Variants in NAALADL2 observed in about 807,000 individuals in gnomAD.
NAALADL2 encodes inactive N-acetylated-alpha-linked acidic dipeptidase-like protein 2.
Under a neutral mutation model 87.2 loss-of-function variants are expected in NAALADL2, and 76 were observed. The ratio of observed to expected loss-of-function variants is 0.87; its 90% CI spans 0.72 to 1.05. The LOEUF is 1.05. NAALADL2 is among the 50% of genes least tolerant of loss of function. The probability of loss-of-function intolerance (pLI) is 0.00; values close to 1 mark genes in which losing one functional copy is unlikely to be tolerated. For missense variants in NAALADL2, 1,089 were observed against 945.8 expected (o/e 1.15, Z -1.99); for synonymous variants, 354 against 331.0 (o/e 1.07, Z -0.75).
chr3:175,545,207 C>A (rs1713091602), intron 9 of NAALADL2, among the ~76,000 whole-genome samples: 1 of 152,052 alleles, frequency 6.6e-6, no homozygotes, highest in African/African-American at 2.4e-5. Context: ...TAGTAAATAT[C>A]CAGAATTAAA....
intron 5 of NAALADL2, among the ~76,000 whole-genome samples, chr3:175,351,837 T>C (rs1763809773): frequency 6.6e-6 from 1 of 152,070 alleles, no homozygotes; most frequent in Non-Finnish European, 1.5e-5. Context: ...AAGTTCCTAG[T>C]CATCCATTTG....
At position 174,687,277 on chromosome 3, in the gene NAALADL2, ATCT is replaced by A. The variant is rs1208122994; in HGVS notation, c.-114-50358_-114-50356del. The stretch of plus-strand genomic sequence containing the variant: ...TCCCATATTTATGGATTGTGTTCTT[ATCT>A]TCTTCAGGTATCTATGCTTCCCTTA... On this transcript the variant is annotated intron_variant, in intron 2 of 3. Transcript: ENST00000434257. 6.6e-5 allele frequency among the ~76,000 whole-genome samples: 10 copies of A among 152,170 alleles called. No individual in the cohort carries two copies. The East Asian group carries it at 1.9e-3, about 29-fold the overall frequency.
intron 3 of NAALADL2, among the ~76,000 whole-genome samples, chr3:174,762,003 G>C (rs1713039084): frequency 6.6e-6 from 1 of 151,932 alleles, no homozygotes; most frequent in African/African-American, 2.4e-5. Context: ...ATATTTTAGA[G>C]TTATACATCT....
intron 2 of NAALADL2, among the ~76,000 whole-genome samples, chr3:174,604,139 A>G (rs531632): frequency 0.19 from 28,261 of 152,090 alleles, 3,276 homozygotes; most frequent in African/African-American, 0.33. Context: ...TATCTGGAAG[A>G]TCAGTGCTGA....
chr3:175,313,214 T>C (rs1286437688), intron 4 of NAALADL2, among the ~76,000 whole-genome samples: 3 of 152,150 alleles, frequency 2.0e-5, no homozygotes, highest in Admixed American at 2.0e-4. Flanking sequence ...TAATTACTTC[T>C]TTAAAGGTCC....
Position 175,632,310 on chromosome 3 carries a change from C to CAA in NAALADL2, c.1896+4924_1896+4925insAA, listed in dbSNP as rs71164648. Among the ~76,000 whole-genome samples the CAA allele has an allele frequency of 3.0e-3, 436 of 145,476 alleles. 1 individual carries two copies. The highest frequency in any genetic ancestry group is 4.8e-3 in the Admixed American group (69 of 14,518). On this transcript the variant is annotated intron_variant, in intron 11 of 13. Transcript: ENST00000454872. ...TCTCTCTCTCTCTCTCTCTCTCTCTCCTACTCCCTAATGGTAAGATACACT... is the reference window on the plus strand; with the variant it reads ...TCTCTCTCTCTCTCTCTCTCTCTCTCAACTACTCCCTAATGGTAAGATACACT...
intron 2 of NAALADL2, among the ~76,000 whole-genome samples, chr3:175,214,410 G>A (rs970096949): frequency 1.6e-4 from 25 of 152,084 alleles, no homozygotes; most frequent in African/African-American, 5.1e-4. Context: ...GATGGATTCC[G>A]TCATGACAGT....
intron 2 of NAALADL2, among the ~76,000 whole-genome samples, chr3:175,204,094 G>T (rs1560160678): frequency 6.6e-6 from 1 of 152,114 alleles, no homozygotes; most frequent in East Asian, 1.9e-4. Context: ...AATTCATTCT[G>T]TGAAGCCAGC....
chr3:175,510,640 G>T (rs982093237), intron 9 of NAALADL2, among the ~76,000 whole-genome samples: 68 of 152,150 alleles, frequency 4.5e-4, no homozygotes, highest in Non-Finnish European at 8.8e-5. Flanking sequence ...ACTCCATAAA[G>T]TAGGCACTGT....
intron 2 of NAALADL2, among the ~76,000 whole-genome samples, chr3:175,223,421 G>T (rs1322542682): frequency 6.6e-6 from 1 of 150,932 alleles, no homozygotes; most frequent in Non-Finnish European, 1.5e-5. Flanking sequence ...TATTAGCATA[G>T]TATCCTCCAG....
chr3:175,051,549 A>G (rs115082747), intron 1 of NAALADL2, among the ~76,000 whole-genome samples: 1,792 of 152,332 alleles, frequency 0.012, 34 homozygotes, highest in African/African-American at 0.041. Flanking sequence ...AGTCAGTATC[A>G]TAGCAACTTT....
rs1354626326 is a variant in NAALADL2 at position 175,632,556 on chromosome 3, A to C, written c.1896+5170A>C. On this transcript the variant is annotated intron_variant, in intron 11 of 13. Transcript: ENST00000454872. Reference sequence around the variant, plus strand: ...TAATTATACGTATTTTGGAAAACAGAGACAGATTTGTGAGACAGTTTTAAG... The same window carrying C: ...TAATTATACGTATTTTGGAAAACAGCGACAGATTTGTGAGACAGTTTTAAG... Among the ~76,000 whole-genome samples, 3 of 152,096 alleles carry C rather than the reference A, an allele frequency of 2.0e-5. No homozygotes were observed. In the East Asian group the frequency reaches 5.8e-4, roughly 29 times the overall value.
chr3:174,670,445 ATTAC>A (rs1359229987), intron 2 of NAALADL2, among the ~76,000 whole-genome samples: 29 of 151,856 alleles, frequency 1.9e-4, no homozygotes, highest in Admixed American at 1.8e-3. Flanking sequence ...GTCTTTTCCT[ATTAC>A]TTATTTTTTA....
chr3:174,776,503 G>C (rs1317896022), intron 3 of NAALADL2, among the ~76,000 whole-genome samples: 2 of 152,016 alleles, frequency 1.3e-5, no homozygotes, highest in African/African-American at 4.8e-5. Flanking sequence ...GAGTCCCTGG[G>C]TGGTGCCTGA....
Position 174,635,062 on chromosome 3 carries a change from A to G in NAALADL2, c.-115+84425A>G, listed in dbSNP as rs115299290. On this transcript the variant is annotated intron_variant, in intron 2 of 3. Transcript: ENST00000434257. ...ATCTTGCTTCAAATTGTTTTATGGT[A>G]CACATTCCCAAACACACTAATCTTT... Among the ~76,000 whole-genome samples, 350 of 152,328 alleles carry G rather than the reference A, an allele frequency of 2.3e-3. 4 individuals are homozygous for G. Among genetic ancestry groups the G allele is most frequent in the Admixed American group, 4.2e-3 (65 of 15,304 alleles).
chr3:174,611,198 G>A (rs2108640492), intron 2 of NAALADL2, among the ~76,000 whole-genome samples: 1 of 151,536 alleles, frequency 6.6e-6, no homozygotes, highest in African/African-American at 2.4e-5. Context: ...ATAGCATTAG[G>A]AGATACACCT....
intron 2 of NAALADL2, among the ~76,000 whole-genome samples, chr3:175,199,242 G>A (rs577325744): frequency 6.2e-4 from 94 of 152,164 alleles, no homozygotes; most frequent in Admixed American, 1.6e-3. Flanking sequence ...TGTTCTCTCT[G>A]GATTTATGCT....
chr3:175,061,094 T>C (rs993342646), intron 1 of NAALADL2, among the ~76,000 whole-genome samples: 4 of 152,116 alleles, frequency 2.6e-5, no homozygotes, highest in African/African-American at 9.7e-5. Context: ...ATTTGTAATT[T>C]TATAAATACA....
chr3:175,750,934 C>A (rs1746547428), intron 12 of NAALADL2, among the ~76,000 whole-genome samples: 1 of 152,072 alleles, frequency 6.6e-6, no homozygotes, highest in South Asian at 2.1e-4. Context: ...TAAATACCTA[C>A]TGAACACATG....
Sources: allele counts gnomAD v4.1 joint callset (sites outside exome capture counted in the v4.1 genomes callset), GRCh38; gene constraint gnomAD v4.1.1; transcripts MANE v1.5; gene names NCBI Gene and HGNC (gene_info 2026-07-23, HGNC 2026-07-21).